Variants in ZNF722 observed in about 807,000 individuals in gnomAD.
The protein encoded by ZNF722 is zinc finger protein 722.
At chr7:64,007,417 G>A in the ZNF722 span, among the ~76,000 whole-genome samples, 2 of 151,900 alleles carry the variant, frequency 1.3e-5, no homozygotes, top group Non-Finnish European at 2.9e-5. Flanking sequence ...ACAGGCCCTG[G>A]TGTGTGATGT....
the ZNF722 span, chr7:64,005,472 A>G: frequency 1.9e-6 from 1 of 521,688 alleles, no homozygotes; most frequent in African/African-American, 2.0e-5. Context: ...ATCTTATCGA[A>G]TAATTTTAGT....
At chr7:64,015,264 G>T in the ZNF722 span, 1 of 1,218,770 alleles carries the variant, frequency 8.2e-7, no homozygotes, top group Non-Finnish European at 1.2e-6. Flanking sequence ...CATAGTCTTT[G>T]GTAAATTTTC....
chr7:63,998,932 G>T, the ZNF722 span: 6 of 1,573,334 alleles, frequency 3.8e-6, 1 homozygote, highest in Non-Finnish European at 5.2e-6. Context: ...AGCCTCTGTG[G>T]CCTTGTGTCC....
At chr7:64,014,546 A>C in the ZNF722 span, among the ~76,000 whole-genome samples, 1 of 152,062 alleles carries the variant, frequency 6.6e-6, no homozygotes, top group Non-Finnish European at 1.5e-5. Context: ...TGTTCTCAGG[A>C]TGTGTCTTGT....
the ZNF722 span, among the ~76,000 whole-genome samples, chr7:63,999,975 C>T: frequency 6.6e-6 from 1 of 152,120 alleles, no homozygotes; most frequent in Non-Finnish European, 1.5e-5. Context: ...GCATTACAGG[C>T]GTGAGCCACC....
the ZNF722 span, chr7:63,998,975 C>G: frequency 6.3e-7 from 1 of 1,580,214 alleles, no homozygotes; most frequent in South Asian, 1.1e-5. Context: ...GCTGAAAGAC[C>G]GGGATCCCCT....
chr7:64,008,393 T>A, the ZNF722 span, among the ~76,000 whole-genome samples: 1 of 152,226 alleles, frequency 6.6e-6, no homozygotes, highest in Non-Finnish European at 1.5e-5. Context: ...CATTTGAGTC[T>A]TTAATCAATC....
chr7:64,005,695 T>G, the ZNF722 span: 1 of 1,566,654 alleles, frequency 6.4e-7, no homozygotes. Context: ...AGAATTTATA[T>G]AGAGATGTGA....
At chr7:64,006,234 C>A in the ZNF722 span, 1 of 1,290,532 alleles carries the variant, frequency 7.7e-7, no homozygotes, top group Non-Finnish European at 1.1e-6. Context: ...GTATTGCTGA[C>A]TCTAAGCCAG....
the ZNF722 span, among the ~76,000 whole-genome samples, chr7:64,007,749 T>C: frequency 6.6e-6 from 1 of 152,196 alleles, no homozygotes. Flanking sequence ...ATCCTTTGGG[T>C]ATATACCCAG....
the ZNF722 span, among the ~76,000 whole-genome samples, chr7:64,003,165 G>A: frequency 6.6e-6 from 1 of 152,142 alleles, no homozygotes; most frequent in Non-Finnish European, 1.5e-5. Flanking sequence ...GTTTCAGTTT[G>A]GTAGGAAGAG....
chr7:64,000,602 C>G, the ZNF722 span, among the ~76,000 whole-genome samples: 4 of 150,794 alleles, frequency 2.7e-5, no homozygotes, highest in Admixed American at 6.6e-5. Context: ...AGGTACCCAC[C>G]ACCACACCTA....
At chr7:64,006,435 A>C in the ZNF722 span, 1 of 709,778 alleles carries the variant, frequency 1.4e-6, no homozygotes, top group Non-Finnish European at 2.2e-6. Flanking sequence ...AGTTTCTGAG[A>C]GGCTCGAGTC....
At chr7:64,000,888 C>G in the ZNF722 span, among the ~76,000 whole-genome samples, 1 of 152,070 alleles carries the variant, frequency 6.6e-6, no homozygotes, top group Non-Finnish European at 1.5e-5. Flanking sequence ...AGTGATTGTC[C>G]TGCTTCAGTC....
chr7:64,014,669 G>C, the ZNF722 span, among the ~76,000 whole-genome samples: 1 of 152,168 alleles, frequency 6.6e-6, no homozygotes, highest in African/African-American at 2.4e-5. Flanking sequence ...TCTTTCTGCT[G>C]TTGTAACATT....
At chr7:64,016,729 T>A in the ZNF722 span, among the ~76,000 whole-genome samples, 1 of 152,056 alleles carries the variant, frequency 6.6e-6, no homozygotes, top group Admixed American at 6.6e-5. Flanking sequence ...CTGGTTTCCA[T>A]CCTTATTAAT....
the ZNF722 span, chr7:63,999,010 G>T: frequency 1.3e-6 from 2 of 1,577,322 alleles, no homozygotes; most frequent in Non-Finnish European, 8.7e-7. Context: ...GGTGAGTGCT[G>T]GGTCTGTCAT....
At chr7:63,999,087 G>A in the ZNF722 span, 1 of 1,433,178 alleles carries the variant, frequency 7.0e-7, no homozygotes, top group Non-Finnish European at 9.8e-7. Flanking sequence ...AAACTTCCTC[G>A]CAGTCAGCTC....
the ZNF722 span, among the ~76,000 whole-genome samples, chr7:64,004,040 A>G: frequency 6.6e-6 from 1 of 152,134 alleles, no homozygotes; most frequent in Non-Finnish European, 1.5e-5. Context: ...TAAAATTACT[A>G]TTAAAAATTA....
Sources: gnomAD v4.1 joint callset for allele counts (sites outside exome capture counted in the v4.1 genomes callset) on GRCh38, gnomAD v4.1.1 for gene constraint, MANE v1.5 for transcripts, NCBI Gene and HGNC (gene_info 2026-07-23, HGNC 2026-07-21) for gene names.